Variants in JAK1 observed in about 807,000 individuals in gnomAD.
JAK1 encodes Janus kinase 1.
JAK1 carries 16 observed loss-of-function variants against 136.6 expected under a neutral mutation model. The ratio of observed to expected loss-of-function variants is 0.12; its 90% CI spans 0.08 to 0.18. The LOEUF is 0.18. Among genes scored for constraint, JAK1 ranks in the 10% least tolerant of loss-of-function variants. The pLI is 1.00. For synonymous variants in JAK1, 492 were observed against 519.5 expected, an observed-to-expected ratio of 0.95 and a Z score of 0.72; for missense variants, 859 against 1,450.1, an observed-to-expected ratio of 0.59 and a Z score of 6.62.
chr1:64,846,836 C>G, intron 13 of JAK1, 100 bp from the exon 14 acceptor site: 1 of 868,386 alleles, frequency 1.2e-6, no homozygotes, highest in Non-Finnish European at 1.9e-6. Context: ...CAGGAAAGCT[C>G]ACCACTGTCG....
At chr1:64,913,428 C>T (rs903458294) in intron 1 of JAK1, among the ~76,000 whole-genome samples, 4 of 152,074 alleles carry the variant, frequency 2.6e-5, no homozygotes, top group African/African-American at 9.7e-5. Context: ...CTCAATTTCA[C>T]TCAATAAATA....
intron 12 of JAK1, among the ~76,000 whole-genome samples, chr1:64,847,907 C>T (rs959641285): frequency 1.3e-5 from 2 of 152,162 alleles, no homozygotes; most frequent in Non-Finnish European, 2.9e-5. Context: ...ACTCCCTAAA[C>T]GGCTCCTTGC....
At chr1:64,894,947 A>G (rs909437052) in intron 1 of JAK1, among the ~76,000 whole-genome samples, 16 of 152,310 alleles carry the variant, frequency 1.1e-4, no homozygotes, top group South Asian at 2.1e-4. Flanking sequence ...GCTCTCAGCG[A>G]ACCCTATCCA....
chr1:64,960,544 G>A (rs536903372), intron 1 of JAK1, among the ~76,000 whole-genome samples: 3 of 152,254 alleles, frequency 2.0e-5, no homozygotes, highest in South Asian at 4.2e-4. Context: ...TCCTACAGCC[G>A]GCTTCAAGTT....
At chr1:65,057,295 GA>G (rs1647590156) in intron 1 of JAK1, among the ~76,000 whole-genome samples, 1 of 152,186 alleles carries the variant, frequency 6.6e-6, no homozygotes, top group Non-Finnish European at 1.5e-5. Context: ...AGGGAAGAGG[GA>G]TAATTGGCAG....
chr1:64,868,655 G>A (rs1166928715), intron 6 of JAK1, among the ~76,000 whole-genome samples: 7 of 152,012 alleles, frequency 4.6e-5, no homozygotes, highest in South Asian at 2.1e-4. Flanking sequence ...GACGCACGCC[G>A]CCTATCACAA....
At chr1:65,049,034 C>T (rs1007501249) in intron 1 of JAK1, among the ~76,000 whole-genome samples, 3 of 152,202 alleles carry the variant, frequency 2.0e-5, no homozygotes, top group African/African-American at 7.2e-5. Context: ...GGAAGTCCCT[C>T]ATTCACTGTC....
chr1:64,913,729 G>GAGGGAGGA (rs1397744358), intron 1 of JAK1, among the ~76,000 whole-genome samples: 3 of 116,288 alleles, frequency 2.6e-5, no homozygotes, highest in Non-Finnish European at 5.4e-5. Flanking sequence ...GGGAGGGAGG[G>GAGGGAGGA]AGGGAGGAAT....
At chr1:65,025,411 G>C (rs942867486) in intron 2 of JAK1, among the ~76,000 whole-genome samples, 7 of 152,122 alleles carry the variant, frequency 4.6e-5, no homozygotes, top group Non-Finnish European at 7.4e-5. Context: ...GTCCACTACA[G>C]TGCTTCCCAA....
At chr1:65,008,296 T>A (rs987696319) in intron 2 of JAK1, among the ~76,000 whole-genome samples, 1 of 152,318 alleles carries the variant, frequency 6.6e-6, no homozygotes, top group East Asian at 1.9e-4. Context: ...TGTGTCCTAG[T>A]AACATTGAGT....
At position 64,844,276 on chromosome 1, in the gene JAK1, T is replaced by A; in HGVS notation, c.2252-61A>T. ...TGGGATCTCCTAGGGATTCAATTAC[T>A]GTCACTGCAGCCAGAACAGTGAGCC... On this transcript the variant is annotated intron_variant, in intron 16 of 24. Transcript: ENST00000342505. The surrounding 1 kb of genome is among the most constrained non-coding windows in gnomAD (Gnocchi z 5.7). The A allele has an allele frequency of 6.3e-7, 1 of 1,594,834 alleles. No individual in the cohort carries two copies. Among genetic ancestry groups the A allele is most frequent in the Non-Finnish European group, 8.6e-7 (1 of 1,162,802 alleles).
At chr1:64,917,909 T>C (rs577205314) in intron 1 of JAK1, among the ~76,000 whole-genome samples, 15 of 152,264 alleles carry the variant, frequency 9.9e-5, no homozygotes, top group African/African-American at 2.9e-4. Context: ...CCCAAAAGGG[T>C]CCCTGCAACC....
At chr1:65,049,946 C>T (rs1021168183) in intron 1 of JAK1, among the ~76,000 whole-genome samples, 8 of 152,158 alleles carry the variant, frequency 5.3e-5, no homozygotes, top group African/African-American at 1.9e-4. Context: ...CCCCCTCCTC[C>T]AGTCATCTTT....
chr1:64,902,583 A>AGAGAGAGAGAGTGTGTGTGT lies in JAK1; in HGVS notation c.-77-16243_-77-16242insACACACACACTCTCTCTCTC. 4.5e-3 allele frequency among the ~76,000 whole-genome samples: 331 copies of AGAGAGAGAGAGTGTGTGTGT among 73,790 alleles called. 4 individuals carry two copies. Among genetic ancestry groups the AGAGAGAGAGAGTGTGTGTGT allele is most frequent in the Admixed American group, 4.8e-3 (27 of 5,598 alleles). 48.4% of individuals were successfully genotyped at this position (73,790 alleles called of 152,430 possible). On this transcript the variant is annotated intron_variant, in intron 1 of 24. Coordinates refer to ENST00000342505, the MANE Select transcript of JAK1 (RefSeq NM_002227.4). ...GAGAGAGAGAGAGAGAGAGAGAGAG[A>AGAGAGAGAGAGTGTGTGTGT]GTGTGTGTGTGTGTGTGTGTGTGTG...
At chr1:64,858,079 C>A (rs907934927) in intron 9 of JAK1, among the ~76,000 whole-genome samples, 2 of 152,222 alleles carry the variant, frequency 1.3e-5, no homozygotes, top group Non-Finnish European at 2.9e-5. Context: ...GACAGAAGAG[C>A]CTCTCTGGAG....
At chr1:64,840,028 G>A (rs542841831) in intron 19 of JAK1, among the ~76,000 whole-genome samples, 4 of 152,324 alleles carry the variant, frequency 2.6e-5, no homozygotes, top group Admixed American at 6.5e-5. Flanking sequence ...AGCAGGTGAC[G>A]ATGAACCAAC....
At chr1:64,979,025 T>C (rs940441545) in intron 2 of JAK1, among the ~76,000 whole-genome samples, 2 of 152,206 alleles carry the variant, frequency 1.3e-5, no homozygotes, top group East Asian at 1.9e-4. Context: ...AAATCATGTA[T>C]GCATTTGACA....
chr1:64,951,094 T>C (rs1646078338), intron 1 of JAK1, among the ~76,000 whole-genome samples: 1 of 152,216 alleles, frequency 6.6e-6, no homozygotes, highest in Non-Finnish European at 1.5e-5. Flanking sequence ...GGTGGGCCTG[T>C]TCTCCATGAC....
At chr1:64,928,801 A>C (rs1164850608) in intron 1 of JAK1, among the ~76,000 whole-genome samples, 9 of 150,840 alleles carry the variant, frequency 6.0e-5, no homozygotes, top group East Asian at 1.9e-4. Context: ...AAAAAACAAA[A>C]AAAAAAAACT....
Sources: gnomAD v4.1 joint callset for allele counts (sites outside exome capture counted in the v4.1 genomes callset) on GRCh38, gnomAD v4.1.1 for gene constraint, Gnocchi (gnomAD v3.1) non-coding constraint, MANE v1.5 for transcripts, NCBI Gene and HGNC (gene_info 2026-07-23, HGNC 2026-07-21) for gene names.